DQX1: variants seen among roughly 807,000 people sequenced by gnomAD.
DQX1 encodes the protein ATP-dependent RNA helicase homolog DQX1.
A neutral mutation model predicts 81.3 loss-of-function variants in DQX1; 66 were observed. That is an observed-to-expected ratio of 0.81 (90% CI 0.67 to 1.00). The LOEUF is 1.00. DQX1 is among the 50% of genes least tolerant of loss of function. The probability of loss-of-function intolerance (pLI) is 0.00; values close to 1 mark genes in which losing one functional copy is unlikely to be tolerated. For missense variants in DQX1, 798 were observed against 867.9 expected, an observed-to-expected ratio of 0.92 and a Z score of 1.01; for synonymous variants, 290 against 350.0, an observed-to-expected ratio of 0.83 and a Z score of 1.91.
chr2:74,519,518 C>A lies in DQX1; in HGVS notation c.1806+38G>T, dbSNP rs200935798. ...CAATATTTGTTCTCTTTGCCTTTTG[C>A]TCCTTTGATCACCCTCACCCCCACC... On this transcript the variant is annotated intron_variant, in intron 10 of 11. Transcript: ENST00000404568. 13 of 1,597,242 alleles carry A rather than the reference C, an allele frequency of 8.1e-6. No individual in the cohort carries two copies. In the East Asian group the frequency reaches 2.9e-4, roughly 36 times the overall value.
At chr2:74,521,020 C>T (rs542450652) in intron 8 of DQX1, among the ~76,000 whole-genome samples, 2 of 152,248 alleles carry the variant, frequency 1.3e-5, no homozygotes, top group South Asian at 4.1e-4. Context: ...AAAAAGTTCA[C>T]ATTACTAGTT....
chr2:74,525,578 C>T lies in DQX1; in HGVS notation c.152G>A (p.Arg51His), dbSNP rs376325860. The change falls in exon 2 of 12, where the codon CGC (arginine) becomes CAC (histidine). Residue 51 changes from arginine to histidine, a missense_variant. Transcript: ENST00000404568. This position sits in a 1 kb window ranked among gnomAD's most constrained non-coding sequence, Gnocchi z 4.1. Reference sequence around the variant, plus strand: ...CTCCAACTGCTCCAAGAAGGTAAAGCGAGCAGCCCAGATGGGCAAGGCTTG... The same window carrying T: ...CTCCAACTGCTCCAAGAAGGTAAAGTGAGCAGCCCAGATGGGCAAGGCTTG... ...QRQALPIWAA[R>H]FTFLEQLESN... 42 of 1,551,990 alleles carry T rather than the reference C, an allele frequency of 2.7e-5. No homozygotes were observed. The highest frequency in any genetic ancestry group is 3.1e-5 in the Non-Finnish European group (36 of 1,147,096).
At position 74,525,861 on chromosome 2, in the gene DQX1, C is replaced by A. The variant is rs1675166968; in HGVS notation, c.-19-113G>T. The A allele has an allele frequency of 2.7e-6, 2 of 728,062 alleles. No homozygotes were observed. Among genetic ancestry groups the A allele is most frequent in the Non-Finnish European group, 4.4e-6 (2 of 450,668 alleles). 45.1% of individuals were successfully genotyped at this position (728,062 alleles called of 1,614,324 possible). Reference sequence around the variant, plus strand: ...AGTTGATCATGCTCTGGGGCCCACCCTTCCCAGCATTTCCTGCCAGGAAAC... The same window carrying A: ...AGTTGATCATGCTCTGGGGCCCACCATTCCCAGCATTTCCTGCCAGGAAAC... On this transcript the variant is annotated intron_variant, in intron 1 of 11. Coordinates refer to ENST00000404568, the MANE Select transcript of DQX1 (RefSeq NM_133637.3). This position sits in a 1 kb window ranked among gnomAD's most constrained non-coding sequence, Gnocchi z 4.1.
In DQX1 at chr2:74,522,841, A is replaced by G. The variant is rs1052830647; in HGVS notation, c.1303+15T>C. On this transcript the variant is annotated intron_variant, in intron 7 of 11. Coordinates refer to ENST00000404568, the MANE Select transcript of DQX1 (RefSeq NM_133637.3). ...GGTGGTCAGATGGCAGTGCTTGGGC[A>G]GGAGAGGTGCTCACCAGGCTGGTCC... is the stretch of plus-strand genomic sequence containing the variant. 7 of 1,612,780 alleles carry G rather than the reference A, an allele frequency of 4.3e-6. No homozygotes were observed. Among genetic ancestry groups the G allele is most frequent in the Non-Finnish European group, 5.9e-6 (7 of 1,178,826 alleles).
Position 74,518,614 on chromosome 2 carries a change from A to C in DQX1, c.1998-12T>G. 6.2e-6 allele frequency: 10 copies of C among 1,612,678 alleles called. No individual in the cohort carries two copies. Among genetic ancestry groups the C allele is most frequent in the Non-Finnish European group, 8.5e-6 (10 of 1,178,876 alleles). ...CCAATTCCACCAGCCTAATAGAGAGAGTCATAATTAGATGATCTGCATCTT... is the reference window on the plus strand; with the variant it reads ...CCAATTCCACCAGCCTAATAGAGAGCGTCATAATTAGATGATCTGCATCTT... On this transcript the variant is annotated splice_polypyrimidine_tract_variant and intron_variant, in intron 11 of 11. Coordinates refer to ENST00000404568, the MANE Select transcript of DQX1 (RefSeq NM_133637.3).
Position 74,525,579 on chromosome 2 carries a change from G to C in DQX1, c.151C>G (p.Arg51Gly). 6.4e-7 allele frequency: 1 copy of C among 1,552,052 alleles called. No homozygotes were observed. The highest frequency in any genetic ancestry group is 1.2e-5 in the South Asian group (1 of 84,058). ...TCCAACTGCTCCAAGAAGGTAAAGC[G>C]AGCAGCCCAGATGGGCAAGGCTTGG... ...QRQALPIWAA[R>G]FTFLEQLESN... is the part of the protein sequence containing the mutation. The change falls in exon 2 of 12, where the codon CGC becomes GGC. Residue 51 changes from arginine (R) to glycine (G), a missense_variant. Arg to Gly is a moderately radical substitution (Grantham distance 125). Coordinates refer to ENST00000404568, the MANE Select transcript of DQX1 (RefSeq NM_133637.3). The surrounding 1 kb of genome is among the most constrained non-coding windows in gnomAD (Gnocchi z 4.1).
rs758492309 is a variant in DQX1 at position 74,522,688 on chromosome 2, C to T, written c.1387G>A (p.Val463Ile). 1 of 1,614,240 alleles carries T rather than the reference C, an allele frequency of 6.2e-7. No homozygotes were observed. The highest frequency in any genetic ancestry group is 1.1e-5 in the South Asian group (1 of 91,086). Residue 463 changes from valine to isoleucine, a missense_variant, in exon 8 of 12, where the codon GTC (valine) becomes ATC (isoleucine). Val to Ile is a conservative substitution (Grantham distance 29). Transcript: ENST00000404568. ...GCCAGAGGGAATTCTGATAGTATGACACCCAGATCTGACAGGTCCCCATCA... is the reference window on the plus strand; with the variant it reads ...GCCAGAGGGAATTCTGATAGTATGATACCCAGATCTGACAGGTCCCCATCA... ...DDDGDLSDLG[V>I]ILSEFPLAPE...
At chr2:74,519,369 C>T (rs751416206) in intron 10 of DQX1, 139 bp from the exon 11 acceptor site, 12 of 1,231,026 alleles carry the variant, frequency 9.7e-6, no homozygotes, top group Non-Finnish European at 1.4e-5. Flanking sequence ...GTTGTCTGGT[C>T]TCTACTATAC....
chr2:74,518,488 T>C lies in DQX1; in HGVS notation c.2112A>G (p.Ser704=), dbSNP rs751190847. 6.2e-7 allele frequency: 1 copy of C among 1,614,244 alleles called. No homozygotes were observed. The highest frequency in any genetic ancestry group is 1.1e-5 in the South Asian group (1 of 91,084). ...GMADSTAGSK[S]SSAQEFRDPC... ...GATCTCTGAACTCCTGGGCTGAGGA[T>C]GATTTGCTCCCTGCTGTAGAATCTG... is the stretch of plus-strand genomic sequence containing the variant. The change falls in exon 12 of 12, where the codon TCA becomes TCG. Residue 704 remains serine (S), a synonymous_variant. Coordinates refer to ENST00000404568, the MANE Select transcript of DQX1 (RefSeq NM_133637.3).
At chr2:74,519,282 C>A in intron 10 of DQX1, 52 bp from the exon 11 acceptor site, 5 of 1,506,810 alleles carry the variant, frequency 3.3e-6, no homozygotes, top group Non-Finnish European at 3.6e-6. Flanking sequence ...AAGAGGCAGG[C>A]AGTAGAAAAA....
chr2:74,519,901 G>A lies in DQX1; in HGVS notation c.1615+14C>T. The A allele has an allele frequency of 6.2e-7, 1 of 1,609,370 alleles. No individual in the cohort carries two copies. The highest frequency in any genetic ancestry group is 8.5e-7 in the Non-Finnish European group (1 of 1,176,732). On this transcript the variant is annotated intron_variant, in intron 9 of 11. Coordinates refer to ENST00000404568, the MANE Select transcript of DQX1 (RefSeq NM_133637.3). ...TGGAAAATCTGGGATTCTATAAAAG[G>A]ATGCAGAACTCACTTTGTATAAAGG...
intron 11 of DQX1, 79 bp from the exon 12 acceptor site, chr2:74,518,681 C>G: frequency 7.0e-7 from 1 of 1,426,672 alleles, no homozygotes; most frequent in East Asian, 2.3e-5. Flanking sequence ...GGGTCTCGCT[C>G]TGTTACCTGG....
In DQX1 at chr2:74,523,945, A is replaced by G; in HGVS notation, c.794T>C (p.Leu265Pro). Residue 265 changes from leucine (L) to proline (P), a missense_variant, in exon 4 of 12, where the codon CTA becomes CCA. By Grantham distance (98) the Leu-to-Pro change is moderately conservative. Transcript: ENST00000404568. ...TACCTCCTCACTGGGCAGGAACACT[A>G]GCACATCTCCTGGAAGCTCCTTCCG... Reference protein sequence around the residue: ...LCRKELPGDVLVFLPSEEEIS... With the variant: ...LCRKELPGDVPVFLPSEEEIS... 1 of 1,601,750 alleles carries G rather than the reference A, an allele frequency of 6.2e-7. No individual in the cohort carries two copies.
Position 74,523,429 on chromosome 2 carries a change from G to A in DQX1, c.925C>T (p.Gln309Ter). 6.2e-7 allele frequency: 1 copy of A among 1,614,160 alleles called. No individual in the cohort carries two copies. Among genetic ancestry groups the A allele is most frequent in the Non-Finnish European group, 8.5e-7 (1 of 1,180,042 alleles). ...PLHPDCGRAV[Q>*]AVYEDMDARK... ...GCATCCATGTCCTCATACACAGCCT[G>A]AACGGCTCGTCCACAGTCTGGGTGA... The change falls in exon 5 of 12, where the codon CAG (glutamine) becomes TAG (stop). Residue 309 changes from glutamine (Q) to a stop codon, truncating the protein, a stop_gained. Transcript: ENST00000404568. LOFTEE classifies it high-confidence loss of function.
Position 74,525,548 on chromosome 2 carries a change from T to C in DQX1, c.182A>G (p.Asn61Ser). The change falls in exon 2 of 12, where the codon AAC becomes AGC. Residue 61 changes from asparagine to serine, a missense_variant. Transcript: ENST00000404568. The surrounding 1 kb of genome is among the most constrained non-coding windows in gnomAD (Gnocchi z 4.1). ...RFTFLEQLES[N>S]PTGVVLVSGE... The stretch of plus-strand genomic sequence containing the variant: ...AGACACCAGCACCACTCCAGTGGGG[T>C]TACTCTCCAACTGCTCCAAGAAGGT... 6.4e-7 allele frequency: 1 copy of C among 1,552,116 alleles called. No homozygotes were observed. The highest frequency in any genetic ancestry group is 1.2e-5 in the South Asian group (1 of 84,054).
Position 74,524,316 on chromosome 2 carries a change from A to G in DQX1, c.432-9T>C, listed in dbSNP as rs771759955. 1 of 1,606,456 alleles carries G rather than the reference A, an allele frequency of 6.2e-7. No homozygotes were observed. Among genetic ancestry groups the G allele is most frequent in the Non-Finnish European group, 8.5e-7 (1 of 1,177,512 alleles). ...GCCTGTCCCAGCAGAACCTGTTGAC[A>G]TTGGTAGTGGGCAGAGGAATCAGTG... On this transcript the variant is annotated splice_polypyrimidine_tract_variant and intron_variant, in intron 3 of 11. Transcript: ENST00000404568.
At chr2:74,518,962 GTCTC>G in intron 11 of DQX1, 74 bp downstream of exon 11, 2 of 1,364,028 alleles carry the variant, frequency 1.5e-6, no homozygotes, top group Non-Finnish European at 2.0e-6. Flanking sequence ...CCCTTCCTCT[GTCTC>G]TCTAACTCCC....
chr2:74,525,390 C>T lies in DQX1; in HGVS notation c.237+103G>A. 7.5e-7 allele frequency: 1 copy of T among 1,339,500 alleles called. No homozygotes were observed. Among genetic ancestry groups the T allele is most frequent in the Non-Finnish European group, 1.0e-6 (1 of 978,758 alleles). 83.0% of individuals were successfully genotyped at this position (1,339,500 alleles called of 1,614,324 possible). A position where few individuals can be genotyped will look rare whatever the true frequency, so the allele number is the denominator to read the frequency against. On this transcript the variant is annotated intron_variant, in intron 2 of 11. Transcript: ENST00000404568. This position sits in a 1 kb window ranked among gnomAD's most constrained non-coding sequence, Gnocchi z 4.1. ...ACCTTCCTCATGACCCCACGCAGCC[C>T]AGTCCCCCCTTGCCCAGGGAAAGGC...
In DQX1 at chr2:74,519,747, C is replaced by A. The variant is rs770010456; in HGVS notation, c.1616-1G>T. The A allele has an allele frequency of 5.1e-5, 83 of 1,613,976 alleles. No homozygotes were observed. The highest frequency in any genetic ancestry group is 6.6e-5 in the Non-Finnish European group (78 of 1,179,970). ...TGGCACCAAGCCTCATCTGCTCCAC[C>A]TAGGAGAGGAAAGGGACCAGCTAAA... On this transcript the variant is annotated splice_acceptor_variant, in intron 9 of 11. Coordinates refer to ENST00000404568, the MANE Select transcript of DQX1 (RefSeq NM_133637.3). LOFTEE classifies it high-confidence loss of function.
Sources: allele counts gnomAD v4.1 joint callset (sites outside exome capture counted in the v4.1 genomes callset), GRCh38; gene constraint gnomAD v4.1.1; non-coding constraint Gnocchi (gnomAD v3.1); transcripts MANE v1.5; gene names NCBI Gene and HGNC (gene_info 2026-07-23, HGNC 2026-07-21).